WWP2: variants seen among roughly 807,000 people sequenced by gnomAD.
The protein encoded by WWP2 is WW domain containing E3 ubiquitin protein ligase 2.
In WWP2, 57 loss-of-function variants were observed where a neutral mutation model predicts 121.0. That is an observed-to-expected ratio of 0.47 (90% CI 0.38 to 0.59). The LOEUF is 0.59. Among genes scored for constraint, WWP2 ranks in the 20% least tolerant of loss-of-function variants. WWP2 has a pLI of 0.00. For synonymous variants in WWP2, 449 were observed against 441.3 expected, an observed-to-expected ratio of 1.02 and a Z score of -0.22; for missense variants, 962 against 1,158.9, an observed-to-expected ratio of 0.83 and a Z score of 2.47.
At chr16:69,830,118 C>G (rs2056768468) in intron 4 of WWP2, among the ~76,000 whole-genome samples, 1 of 152,186 alleles carries the variant, frequency 6.6e-6, no homozygotes, top group Admixed American at 6.6e-5. Flanking sequence ...CCATGCCTGG[C>G]TAGTTTTTGT....
intron 4 of WWP2, among the ~76,000 whole-genome samples, chr16:69,814,731 G>A (rs2056457684): frequency 6.6e-6 from 1 of 152,148 alleles, no homozygotes; most frequent in South Asian, 2.1e-4. Flanking sequence ...TGAGCGGTGG[G>A]CCTCCTCCCT....
chr16:69,918,088 T>C (rs934708114), intron 10 of WWP2, among the ~76,000 whole-genome samples: 1 of 152,250 alleles, frequency 6.6e-6, no homozygotes, highest in Non-Finnish European at 1.5e-5. Context: ...ATCTAGCCTC[T>C]GTGTTTAAGG....
intron 4 of WWP2, among the ~76,000 whole-genome samples, chr16:69,813,394 T>G (rs960593096): frequency 4.6e-5 from 7 of 152,212 alleles, no homozygotes; most frequent in African/African-American, 1.2e-4. Context: ...ACTCCCAACC[T>G]CAGGTGTTCC....
intron 6 of WWP2, among the ~76,000 whole-genome samples, chr16:69,857,448 G>T (rs1199545691): frequency 1.3e-5 from 2 of 152,068 alleles, no homozygotes; most frequent in African/African-American, 4.8e-5. Flanking sequence ...GTCTTGATGG[G>T]TTGAAGGTAT....
chr16:69,870,172 G>C (rs72785037), intron 6 of WWP2, among the ~76,000 whole-genome samples: 1 of 151,986 alleles, frequency 6.6e-6, no homozygotes, highest in African/African-American at 2.4e-5. Context: ...CTACCTTTAG[G>C]GTTCCCATGT....
intron 8 of WWP2, among the ~76,000 whole-genome samples, chr16:69,889,577 C>T (rs1384174053): frequency 6.6e-6 from 1 of 152,144 alleles, no homozygotes; most frequent in African/African-American, 2.4e-5. Context: ...AGATGGTGAA[C>T]ATGAAGCCCT....
intron 12 of WWP2, 25 bp downstream of exon 12, chr16:69,929,554 G>C (rs200698191): frequency 3.1e-6 from 5 of 1,608,332 alleles, no homozygotes; most frequent in Admixed American, 1.7e-5. Flanking sequence ...TGAGAGGGGG[G>C]CCGGGCTGGG....
intron 23 of WWP2, 116 bp from the exon 24 acceptor site, chr16:69,939,725 C>G: frequency 1.1e-6 from 1 of 952,166 alleles, no homozygotes; most frequent in Non-Finnish European, 1.6e-6. Flanking sequence ...ACTGGCAGCC[C>G]CTGAGCCCTA....
intron 2 of WWP2, among the ~76,000 whole-genome samples, chr16:69,795,972 G>A (rs4985547): frequency 0.91 from 137,227 of 151,506 alleles, 62,366 homozygotes; most frequent in Admixed American, 0.95. Flanking sequence ...CTAAATGCCA[G>A]TATGATCCTA....
intron 1 of WWP2, among the ~76,000 whole-genome samples, chr16:69,781,904 T>C (rs1020934999): frequency 2.0e-5 from 3 of 152,078 alleles, no homozygotes; most frequent in Non-Finnish European, 4.4e-5. Flanking sequence ...GCTCTTGAGA[T>C]AGTGGCCCCA....
At chr16:69,912,038 C>T (rs1242935872) in intron 9 of WWP2, among the ~76,000 whole-genome samples, 1 of 152,038 alleles carries the variant, frequency 6.6e-6, no homozygotes. Context: ...GCCTGTAATC[C>T]CAGCACTTTG....
At chr16:69,861,623 T>G (rs2057422447) in intron 6 of WWP2, among the ~76,000 whole-genome samples, 1 of 149,970 alleles carries the variant, frequency 6.7e-6, no homozygotes, top group Non-Finnish European at 1.5e-5. Context: ...CCCGGTTCAC[T>G]TCTCCTTTTA....
At chr16:69,842,895 C>T (rs2057004952) in intron 6 of WWP2, among the ~76,000 whole-genome samples, 2 of 152,144 alleles carry the variant, frequency 1.3e-5, no homozygotes, top group Admixed American at 1.3e-4. Flanking sequence ...TCTCGAACTC[C>T]TGGACTCAAC....
intron 8 of WWP2, among the ~76,000 whole-genome samples, chr16:69,895,546 T>C (rs2058093005): frequency 6.6e-6 from 1 of 152,144 alleles, no homozygotes; most frequent in Non-Finnish European, 1.5e-5. Context: ...GGAGGATTGG[T>C]TGAGTCCAGG....
In WWP2 at chr16:69,936,391, G is replaced by A. The variant is rs117637107; in HGVS notation, c.2056G>A (p.Glu686Lys). Residue 686 changes from glutamate (E) to lysine (K), a missense_variant, in exon 19 of 24, where the codon GAG becomes AAG. Glu to Lys is a moderately conservative substitution (Grantham distance 56). Coordinates refer to ENST00000359154, the MANE Select transcript of WWP2 (RefSeq NM_001270454.2). Reference sequence around the variant, plus strand: ...GATACTGGGCAAGGTGACGACCCACGAGCTGAAGGAGGGCGGCGAGAGCAT... The same window carrying A: ...GATACTGGGCAAGGTGACGACCCACAAGCTGAAGGAGGGCGGCGAGAGCAT... ...MEILGKVTTH[E>K]LKEGGESIRV... 11 of 1,613,956 alleles carry A rather than the reference G, an allele frequency of 6.8e-6. No homozygotes were observed. Among genetic ancestry groups the A allele is most frequent in the African/African-American group, 5.3e-5 (4 of 74,888 alleles).
chr16:69,766,318 A>G (rs754056242), intron 1 of WWP2, among the ~76,000 whole-genome samples: 36 of 152,160 alleles, frequency 2.4e-4, no homozygotes, highest in Non-Finnish European at 4.9e-4. Context: ...GATGATGGCA[A>G]CAGCCTCCTA....
chr16:69,931,864 G>A lies in WWP2; in HGVS notation c.1656G>A (p.Glu552=). ...TCTACATCATCATGCGTGGCGAGGA[G>A]GGCCTGGACTATGGGGGCATCGCCA... ...RRLYIIMRGE[E]GLDYGGIARE... Residue 552 remains glutamate (E), a synonymous_variant, in exon 16 of 24, where the codon GAG becomes GAA. Transcript: ENST00000359154. 1 of 1,613,666 alleles carries A rather than the reference G, an allele frequency of 6.2e-7. No homozygotes were observed. The highest frequency in any genetic ancestry group is 8.5e-7 in the Non-Finnish European group (1 of 1,180,006).
intron 8 of WWP2, among the ~76,000 whole-genome samples, chr16:69,899,382 C>T (rs1264321177): frequency 6.6e-6 from 1 of 152,048 alleles, no homozygotes; most frequent in East Asian, 1.9e-4. Context: ...ATACACATTC[C>T]ACATTTTATT....
In WWP2 at chr16:69,917,988, G is replaced by C. The variant is rs115316061; in HGVS notation, c.1179+105G>C. 12 of 1,380,000 alleles carry C rather than the reference G, an allele frequency of 8.7e-6. 1 individual carries two copies. In the South Asian group the frequency reaches 1.5e-4, roughly 17 times the overall value. 85.5% of individuals were successfully genotyped at this position (1,380,000 alleles called of 1,614,324 possible). On this transcript the variant is annotated intron_variant, in intron 10 of 23. Transcript: ENST00000359154. ...CTGCTTAGTGAGCAGGGAAAACAGC[G>C]TCTGGCAACGTCAGTGCTCTGCCCC...
Sources: allele counts gnomAD v4.1 joint callset (sites outside exome capture counted in the v4.1 genomes callset), GRCh38; gene constraint gnomAD v4.1.1; transcripts MANE v1.5; gene names NCBI Gene and HGNC (gene_info 2026-07-23, HGNC 2026-07-21).